The following L3MBTL2 variants were observed in gnomAD, a reference collection of about 807,000 sequenced individuals.
L3MBTL2 encodes the protein lethal(3)malignant brain tumor-like protein 2.
Under a neutral mutation model 86.4 loss-of-function variants are expected in L3MBTL2, and 49 were observed. The observed-to-expected ratio is 0.57, with a 90% confidence interval of 0.45 to 0.72. The LOEUF (loss-of-function observed/expected upper bound fraction) is 0.72. L3MBTL2 is among the 30% of genes least tolerant of loss of function. The probability of loss-of-function intolerance (pLI) is 0.00; values close to 1 mark genes in which losing one functional copy is unlikely to be tolerated. For synonymous variants in L3MBTL2, 336 were observed against 350.6 expected, an observed-to-expected ratio of 0.96 and a Z score of 0.47; for missense variants, 755 against 923.7, an observed-to-expected ratio of 0.82 and a Z score of 2.37.
intron 6 of L3MBTL2, among the ~76,000 whole-genome samples, chr22:41,220,156 G>C (rs1384219132): frequency 6.6e-6 from 1 of 152,154 alleles, no homozygotes; most frequent in East Asian, 1.9e-4. Context: ...GAGACCAGAC[G>C]GGGCAATATA....
intron 12 of L3MBTL2, among the ~76,000 whole-genome samples, 161 bp from the exon 13 acceptor site, chr22:41,226,501 T>TA (rs1268447050): frequency 6.6e-6 from 1 of 152,212 alleles, no homozygotes; most frequent in Admixed American, 6.5e-5. Context: ...ACTGTGGTGC[T>TA]AGAGCAGGTA....
intron 15 of L3MBTL2, chr22:41,228,395 T>G (rs1285341011): frequency 9.1e-6 from 9 of 985,272 alleles, no homozygotes; most frequent in African/African-American, 1.7e-5. Context: ...CTCTACAGAT[T>G]CTGAGCCCAG....
intron 1 of L3MBTL2, chr22:41,209,127 G>A (rs139436): frequency 0.43 from 63,003 of 147,974 alleles, 13,922 homozygotes; most frequent in African/African-American, 0.57. Flanking sequence ...TTTTTGAGAT[G>A]GAGTCTTGCT....
At chr22:41,208,260 G>T (rs2030404775) in intron 1 of L3MBTL2, 1 of 416,324 alleles carries the variant, frequency 2.4e-6, no homozygotes, top group Non-Finnish European at 4.8e-6. Flanking sequence ...GCTCCAAGAA[G>T]CTGGGACTAC....
chr22:41,224,232 C>A lies in L3MBTL2; in HGVS notation c.1155C>A (p.Gly385=). ...CAGTGGGTTGGTCACGACGTGTGGGCCACGGCATCAAGATGTCAGGTTAGC... is the reference window on the plus strand; with the variant it reads ...CAGTGGGTTGGTCACGACGTGTGGGACACGGCATCAAGATGTCAGGTTAGC... ...IHPVGWSRRV[G]HGIKMSERRS... is the part of the protein sequence containing the mutation. The change falls in exon 9 of 17, where the codon GGC becomes GGA. Residue 385 remains glycine, a synonymous_variant. Coordinates refer to ENST00000216237, the MANE Select transcript of L3MBTL2 (RefSeq NM_031488.5). This position sits in a 1 kb window ranked among gnomAD's most constrained non-coding sequence, Gnocchi z 4.9. 1 of 1,611,734 alleles carries A rather than the reference C, an allele frequency of 6.2e-7. No homozygotes were observed. Among genetic ancestry groups the A allele is most frequent in the Non-Finnish European group, 8.5e-7 (1 of 1,178,214 alleles).
intron 8 of L3MBTL2, among the ~76,000 whole-genome samples, chr22:41,223,377 T>C (rs1366472081): frequency 1.3e-5 from 2 of 152,226 alleles, no homozygotes; most frequent in Non-Finnish European, 1.5e-5. Context: ...TCCTCCTCTG[T>C]ACCCCAGCAC....
rs2030581363 is a variant in L3MBTL2 at position 41,209,937 on chromosome 22, C to T, written c.262+4C>T. On this transcript the variant is annotated splice_donor_region_variant and intron_variant, in intron 2 of 16. Transcript: ENST00000216237. Reference sequence around the variant, plus strand: ...GATGGCAGTGGTTCTGAGCCAGGTGCCTTCAGAGTGTCCCCTGAGGATGGA... The same window carrying T: ...GATGGCAGTGGTTCTGAGCCAGGTGTCTTCAGAGTGTCCCCTGAGGATGGA... 9 of 1,612,806 alleles carry T rather than the reference C, an allele frequency of 5.6e-6. 1 individual carries two copies. The South Asian group carries it at 7.7e-5, about 14-fold the overall frequency.
chr22:41,221,781 T>C (rs998655064), intron 8 of L3MBTL2, among the ~76,000 whole-genome samples: 1 of 152,046 alleles, frequency 6.6e-6, no homozygotes, highest in Non-Finnish European at 1.5e-5. Context: ...TTTTTTTGTA[T>C]TTTTAGTGAG....
intron 2 of L3MBTL2, among the ~76,000 whole-genome samples, chr22:41,210,353 G>C (rs919409084): frequency 6.6e-6 from 1 of 151,366 alleles, no homozygotes; most frequent in Non-Finnish European, 1.5e-5. Flanking sequence ...TGTTTGAGAC[G>C]GAGTCTCGCT....
chr22:41,226,868 C>T, intron 13 of L3MBTL2, 124 bp downstream of exon 13: 1 of 799,916 alleles, frequency 1.3e-6, no homozygotes, highest in East Asian at 2.6e-5. Flanking sequence ...CAGCCACTTT[C>T]AGGGGGAAGT....
Position 41,224,871 on chromosome 22 carries a change from T to C in L3MBTL2, c.1251+70T>C. 3 of 1,561,172 alleles carry C rather than the reference T, an allele frequency of 1.9e-6. No individual in the cohort carries two copies. The highest frequency in any genetic ancestry group is 2.6e-6 in the Non-Finnish European group (3 of 1,132,492). On this transcript the variant is annotated intron_variant, in intron 10 of 16. Transcript: ENST00000216237. This position sits in a 1 kb window ranked among gnomAD's most constrained non-coding sequence, Gnocchi z 4.9. ...ATTCCGGGCCTGAGGGACCTGGCTC[T>C]TCCCCTGGGACCATCCCTTTCCCTC...
chr22:41,219,414 C>T lies in L3MBTL2; in HGVS notation c.601-5C>T, dbSNP rs575089156. On this transcript the variant is annotated splice_polypyrimidine_tract_variant and splice_region_variant and intron_variant, in intron 5 of 16. Coordinates refer to ENST00000216237, the MANE Select transcript of L3MBTL2 (RefSeq NM_031488.5). Reference sequence around the variant, plus strand: ...CTCTCTCGGTACACTCTCATCGCCACACAGGTCCCACTCTATGACCAGTGG... The same window carrying T: ...CTCTCTCGGTACACTCTCATCGCCATACAGGTCCCACTCTATGACCAGTGG... 1 of 1,604,710 alleles carries T rather than the reference C, an allele frequency of 6.2e-7. No homozygotes were observed. Among genetic ancestry groups the T allele is most frequent in the South Asian group, 1.1e-5 (1 of 90,886 alleles).
chr22:41,220,253 A>C (rs1433520780), intron 6 of L3MBTL2, among the ~76,000 whole-genome samples: 1 of 152,230 alleles, frequency 6.6e-6, no homozygotes, highest in Non-Finnish European at 1.5e-5. Context: ...ATTAACTCTC[A>C]GCACCATTCC....
At position 41,225,147 on chromosome 22, in the gene L3MBTL2, C is replaced by A. The variant is rs2145608972; in HGVS notation, c.1356+76C>A. ...CATGTGGCCCAGAGCTCTAACCCCA[C>A]TCGCCACCGTCAGGGGGTCTGTGTC... On this transcript the variant is annotated intron_variant, in intron 11 of 16. Transcript: ENST00000216237. The surrounding 1 kb of genome is among the most constrained non-coding windows in gnomAD (Gnocchi z 4.1). 8.7e-7 allele frequency: 1 copy of A among 1,153,976 alleles called. No individual in the cohort carries two copies. The highest frequency in any genetic ancestry group is 1.4e-5 in the South Asian group (1 of 70,578). 71.5% of individuals were successfully genotyped at this position (1,153,976 alleles called of 1,614,324 possible). A position where few individuals can be genotyped will look rare whatever the true frequency, so the allele number is the denominator to read the frequency against.
chr22:41,224,876 CT>C lies in L3MBTL2; in HGVS notation c.1251+76del, dbSNP rs1360676088. On this transcript the variant is annotated intron_variant, in intron 10 of 16. Transcript: ENST00000216237. The surrounding 1 kb of genome is among the most constrained non-coding windows in gnomAD (Gnocchi z 4.9). ...GGGCCTGAGGGACCTGGCTCTTCCC[CT>C]GGGACCATCCCTTTCCCTCCTGAGG... 3 of 1,560,180 alleles carry C rather than the reference CT, an allele frequency of 1.9e-6. No individual in the cohort carries two copies. The Admixed American group carries it at 5.0e-5, about 26-fold the overall frequency.
At chr22:41,208,136 T>C (rs773364088) in intron 1 of L3MBTL2, among the ~76,000 whole-genome samples, 1 of 151,204 alleles carries the variant, frequency 6.6e-6, no homozygotes, top group Non-Finnish European at 1.5e-5. Context: ...CCAGCTTTTT[T>C]TTCTTTTTCT....
intron 12 of L3MBTL2, 23 bp from the exon 13 acceptor site, chr22:41,226,639 A>C (rs772784600): frequency 7.0e-6 from 11 of 1,568,994 alleles, no homozygotes; most frequent in Non-Finnish European, 9.7e-6. Context: ...CTCCCTCTGC[A>C]TCTGAGCTTT....
chr22:41,219,357 A>AG, intron 5 of L3MBTL2, 62 bp from the exon 6 acceptor site: 2 of 1,254,028 alleles, frequency 1.6e-6, no homozygotes, highest in Admixed American at 1.7e-5. Context: ...GCCGTGAGGC[A>AG]GTCTGTCTCC....
At chr22:41,228,169 G>A (rs2032323220) in intron 15 of L3MBTL2, 1 of 985,458 alleles carries the variant, frequency 1.0e-6, no homozygotes, top group Non-Finnish European at 1.2e-6. Flanking sequence ...GATGCCCCAT[G>A]TTCAGAAAAA....
Sources: allele counts gnomAD v4.1 joint callset (sites outside exome capture counted in the v4.1 genomes callset), GRCh38; gene constraint gnomAD v4.1.1; non-coding constraint Gnocchi (gnomAD v3.1); transcripts MANE v1.5; gene names NCBI Gene and HGNC (gene_info 2026-07-23, HGNC 2026-07-21).